PRKCH: variants seen among roughly 807,000 people sequenced by gnomAD.
The protein encoded by PRKCH is protein kinase C eta.
Under a neutral mutation model 82.5 loss-of-function variants are expected in PRKCH, and 28 were observed. That is an observed-to-expected ratio of 0.34 (90% CI 0.25 to 0.47). The LOEUF is 0.47. Ranked by LOEUF, PRKCH falls within the 20% of genes least tolerant of loss-of-function variation. The pLI is 1.00. For synonymous variants in PRKCH, 322 were observed against 327.4 expected (o/e 0.98, Z 0.18); for missense variants, 705 against 881.8 (o/e 0.80, Z 2.54).
At chr14:61,375,640 C>G (rs965982947) in intron 1 of PRKCH, among the ~76,000 whole-genome samples, 1 of 151,928 alleles carries the variant, frequency 6.6e-6, no homozygotes, top group Non-Finnish European at 1.5e-5. Flanking sequence ...CACACACTTT[C>G]AAACAACCAG....
chr14:61,424,062 C>A (rs888864886), intron 2 of PRKCH, among the ~76,000 whole-genome samples: 1 of 152,208 alleles, frequency 6.6e-6, no homozygotes, highest in Non-Finnish European at 1.5e-5. Context: ...CTCTTTCTCA[C>A]CTGCTGTCAT....
intron 1 of PRKCH, among the ~76,000 whole-genome samples, chr14:61,268,539 A>G (rs1407282905): frequency 1.3e-5 from 2 of 152,022 alleles, no homozygotes; most frequent in East Asian, 1.9e-4. Context: ...ATGGTGGTCC[A>G]TGCCTGTAGT....
intron 1 of PRKCH, among the ~76,000 whole-genome samples, chr14:61,368,950 C>T (rs188344050): frequency 2.0e-5 from 3 of 152,146 alleles, no homozygotes; most frequent in Admixed American, 6.5e-5. Flanking sequence ...CTAATATGTG[C>T]CAGGCACTGG....
chr14:61,256,676 T>A (rs2045000108), intron 1 of PRKCH, among the ~76,000 whole-genome samples: 1 of 152,226 alleles, frequency 6.6e-6, no homozygotes, highest in Admixed American at 6.5e-5. Flanking sequence ...TCATTGTTCA[T>A]TGTCTTGGTT....
intron 12 of PRKCH, among the ~76,000 whole-genome samples, chr14:61,532,002 A>G (rs1212940280): frequency 6.6e-6 from 1 of 152,228 alleles, no homozygotes; most frequent in East Asian, 1.9e-4. Flanking sequence ...CCATGATAAC[A>G]CAGCCTCATC....
At chr14:61,463,816 A>G (rs1414613783) in intron 9 of PRKCH, among the ~76,000 whole-genome samples, 1 of 152,230 alleles carries the variant, frequency 6.6e-6, no homozygotes, top group Non-Finnish European at 1.5e-5. Flanking sequence ...AGTGAGATTA[A>G]GCTGCATTTG....
chr14:61,398,158 T>A (rs1219656637), intron 2 of PRKCH, among the ~76,000 whole-genome samples: 1 of 152,228 alleles, frequency 6.6e-6, no homozygotes. Flanking sequence ...AAGAACTGGA[T>A]CTGAAGTCTG....
chr14:61,331,168 GATTT>G (rs1566823978), intron 1 of PRKCH, among the ~76,000 whole-genome samples: 1 of 151,616 alleles, frequency 6.6e-6, no homozygotes, highest in Non-Finnish European at 1.5e-5. Context: ...TACTTACTTA[GATTT>G]ATTTAGATAT....
intron 1 of PRKCH, among the ~76,000 whole-genome samples, chr14:61,345,028 A>G (rs2045974657): frequency 6.6e-6 from 1 of 152,150 alleles, no homozygotes; most frequent in African/African-American, 2.4e-5. Flanking sequence ...TTCCTGTCAC[A>G]GTACTAGGCT....
At chr14:61,272,061 T>TA (rs1336907425) in intron 1 of PRKCH, among the ~76,000 whole-genome samples, 25 of 151,318 alleles carry the variant, frequency 1.7e-4, no homozygotes, top group African/African-American at 4.4e-4. Flanking sequence ...CCGTCTCTAC[T>TA]AAAAAAAATA....
chr14:61,429,093 G>C (rs768436712), intron 2 of PRKCH, among the ~76,000 whole-genome samples: 30 of 152,164 alleles, frequency 2.0e-4, no homozygotes, highest in Non-Finnish European at 3.8e-4. Context: ...TTGTTTTAGG[G>C]ACTCCTAGCA....
intron 10 of PRKCH, among the ~76,000 whole-genome samples, chr14:61,498,453 A>C (rs1381365288): frequency 6.6e-6 from 1 of 152,210 alleles, no homozygotes; most frequent in Non-Finnish European, 1.5e-5. Context: ...TGTGAAACCC[A>C]GTTCTACAGA....
intron 10 of PRKCH, among the ~76,000 whole-genome samples, chr14:61,513,874 A>G (rs1316656213): frequency 1.3e-5 from 2 of 152,148 alleles, no homozygotes; most frequent in Admixed American, 6.5e-5. Context: ...ATGTGAGGAT[A>G]TAGTGATTGA....
Position 61,192,383 on chromosome 14 carries a change from T to C in PRKCH, c.-19+4715T>C, listed in dbSNP as rs559727299. ...ATCTGTTAAATACAGATAAAGGTGTTCATTCTGAAAAGTTATTGCAAGAAT... is the reference window on the plus strand; with the variant it reads ...ATCTGTTAAATACAGATAAAGGTGTCCATTCTGAAAAGTTATTGCAAGAAT... On this transcript the variant is annotated intron_variant, in intron 1 of 3. Coordinates refer to the PRKCH transcript ENST00000555185. Among the ~76,000 whole-genome samples, 88 of 152,344 alleles carry C rather than the reference T, an allele frequency of 5.8e-4. No homozygotes were observed. In the South Asian group the frequency reaches 0.016, roughly 28 times the overall value.
Position 61,321,951 on chromosome 14 carries a change from A to G in PRKCH, c.-151A>G, listed in dbSNP as rs2045630411. The G allele has an allele frequency of 1.3e-6, 1 of 761,228 alleles. No individual in the cohort carries two copies. The highest frequency in any genetic ancestry group is 2.0e-6 in the Non-Finnish European group (1 of 491,266). The allele number at this position is 761,228 out of a possible 1,614,324, so 47.2% of individuals were successfully genotyped here. ...GAGGGAAAAGTCCCACGGAGGAGGC[A>G]GAATGGCCAGTCGAGGGGCGCTTAG... On this transcript the variant is annotated 5_prime_UTR_variant, in exon 1 of 14. Coordinates refer to ENST00000332981, the MANE Select transcript of PRKCH (RefSeq NM_006255.5). This position sits in a 1 kb window ranked among gnomAD's most constrained non-coding sequence, Gnocchi z 4.1.
chr14:61,210,780 CTCTCTCTCTCTGTGTG>C (rs773941452), intron 1 of PRKCH, among the ~76,000 whole-genome samples: 5 of 100,024 alleles, frequency 5.0e-5, no homozygotes, highest in African/African-American at 1.5e-4. Context: ...CTCTCTCTCT[CTCTCTCTCTCTGTGTG>C]TGTGTGTGTG....
At chr14:61,542,791 T>G (rs914007462) in intron 12 of PRKCH, among the ~76,000 whole-genome samples, 1 of 152,208 alleles carries the variant, frequency 6.6e-6, no homozygotes, top group Non-Finnish European at 1.5e-5. Context: ...ATAATGGAAG[T>G]ATTCTGCAAA....
chr14:61,437,512 A>G lies in PRKCH; in HGVS notation c.428-5599A>G, dbSNP rs1594705402. 4.6e-5 allele frequency among the ~76,000 whole-genome samples: 7 copies of G among 152,376 alleles called. No individual in the cohort carries two copies. The South Asian group carries it at 1.4e-3, about 32-fold the overall frequency. On this transcript the variant is annotated intron_variant, in intron 2 of 13. Transcript: ENST00000332981. Reference sequence around the variant, plus strand: ...AAAAAAGACATTTGATAGTATATCCAGTAGTTCAACAATAGTCAACGGAGT... The same window carrying G: ...AAAAAAGACATTTGATAGTATATCCGGTAGTTCAACAATAGTCAACGGAGT...
intron 1 of PRKCH, among the ~76,000 whole-genome samples, chr14:61,332,412 GACT>G (rs1215163239): frequency 7.9e-5 from 12 of 152,160 alleles, no homozygotes; most frequent in African/African-American, 2.9e-4. Context: ...AAGCACATAG[GACT>G]TTTGTAGTAG....
Sources: gnomAD v4.1 joint callset for allele counts (sites outside exome capture counted in the v4.1 genomes callset) on GRCh38, gnomAD v4.1.1 for gene constraint, Gnocchi (gnomAD v3.1) non-coding constraint, MANE v1.5 for transcripts, NCBI Gene and HGNC (gene_info 2026-07-23, HGNC 2026-07-21) for gene names.